Variants in ABHD3 observed in about 807,000 individuals in gnomAD.
ABHD3 encodes phospholipase ABHD3.
A neutral mutation model predicts 48.8 loss-of-function variants in ABHD3; 46 were observed. The ratio of observed to expected loss-of-function variants is 0.94; its 90% confidence interval spans 0.74 to 1.20. ABHD3 has a LOEUF of 1.20. Ranked by LOEUF, ABHD3 falls within the 50% of genes most tolerant of loss-of-function variation. ABHD3 has a pLI of 0.00. For missense variants in ABHD3, 490 were observed against 497.8 expected (o/e 0.98, Z 0.15); for synonymous variants, 192 against 183.7 (o/e 1.04, Z -0.36).
chr18:21,664,905 G>A (rs1469004287), intron 4 of ABHD3, among the ~76,000 whole-genome samples: 1 of 152,186 alleles, frequency 6.6e-6, no homozygotes, highest in Non-Finnish European at 1.5e-5. Flanking sequence ...AACGTGTTGG[G>A]ATTATAGGTG....
chr18:21,689,549 C>CAAAAAAAAAAAAAAA (rs36011228), intron 3 of ABHD3, among the ~76,000 whole-genome samples: 1 of 41,806 alleles, frequency 2.4e-5, no homozygotes, highest in African/African-American at 1.2e-4. Flanking sequence ...AATCTGGTCT[C>CAAAAAAAAAAAAAAA]AAAAAAAAAA....
At chr18:21,673,889 G>C (rs964597163) in intron 4 of ABHD3, among the ~76,000 whole-genome samples, 8 of 152,176 alleles carry the variant, frequency 5.3e-5, no homozygotes, top group Non-Finnish European at 1.0e-4. Context: ...ATAAGTGTGA[G>C]CCATCACACC....
chr18:21,665,983 G>A lies in ABHD3; in HGVS notation c.556-1753C>T, dbSNP rs974397308. Among the ~76,000 whole-genome samples the A allele has an allele frequency of 4.0e-5, 6 of 151,710 alleles. No individual in the cohort carries two copies. In the South Asian group the frequency reaches 6.2e-4, roughly 16 times the overall value. On this transcript the variant is annotated intron_variant, in intron 4 of 8. Transcript: ENST00000289119. ...CTTCACTCTAGATAAAGCAATCTAC[G>A]GTCTAATTTATTAACTGAATATTTT...
In ABHD3 at chr18:21,699,173, C is replaced by CA. The variant is rs368111856; in HGVS notation, c.509+3142dup. On this transcript the variant is annotated intron_variant, in intron 3 of 8. Transcript: ENST00000289119. ...AAGTGATCCACCCACCTCAGCCTCC[C>CA]AAAGTGTTGGGATTACAGGCATGGG... is the stretch of plus-strand genomic sequence containing the variant. 3.4e-3 allele frequency among the ~76,000 whole-genome samples: 516 copies of CA among 152,254 alleles called. 6 individuals carry two copies. Among genetic ancestry groups the CA allele is most frequent in the African/African-American group, 0.012 (500 of 41,544 alleles).
At chr18:21,665,309 C>T (rs1358538187) in intron 4 of ABHD3, among the ~76,000 whole-genome samples, 2 of 152,032 alleles carry the variant, frequency 1.3e-5, no homozygotes, top group Non-Finnish European at 2.9e-5. Context: ...GGTATGATCA[C>T]AGCTCACTGT....
In ABHD3 at chr18:21,657,197, C is replaced by T. The variant is rs1185564748; in HGVS notation, c.843-45G>A. 1.9e-6 allele frequency: 3 copies of T among 1,538,962 alleles called. No individual in the cohort carries two copies. In the Admixed American group the frequency reaches 6.0e-5, roughly 31 times the overall value. The stretch of plus-strand genomic sequence containing the variant: ...GAAGTAAAAATCAAGATCATTCCTA[C>T]TCCATCATACTAAAAGGACTTAAAA... On this transcript the variant is annotated intron_variant, in intron 6 of 8. Coordinates refer to ENST00000289119, the MANE Select transcript of ABHD3 (RefSeq NM_138340.5).
intron 4 of ABHD3, among the ~76,000 whole-genome samples, chr18:21,671,678 C>A (rs929981743): frequency 1.3e-5 from 2 of 152,132 alleles, no homozygotes; most frequent in Admixed American, 6.6e-5. Context: ...ATATCACTTC[C>A]AGCAGATATT....
In ABHD3 at chr18:21,656,143, G is replaced by A. The variant is rs563764263; in HGVS notation, c.1057+718C>T. Reference sequence around the variant, plus strand: ...TGCACTCCAGCCTGGGCGACAGAGCGAAAAAGAAAGCAGGAAAGTTTATTT... The same window carrying A: ...TGCACTCCAGCCTGGGCGACAGAGCAAAAAAGAAAGCAGGAAAGTTTATTT... On this transcript the variant is annotated intron_variant, in intron 8 of 8. Coordinates refer to ENST00000289119, the MANE Select transcript of ABHD3 (RefSeq NM_138340.5). Among the ~76,000 whole-genome samples the A allele has an allele frequency of 5.3e-5, 8 of 152,262 alleles. No homozygotes were observed. The East Asian group carries it at 5.8e-4, about 11-fold the overall frequency.
Position 21,704,744 on chromosome 18 carries a change from C to CGAGA in ABHD3, c.-80_-79insTCTC, listed in dbSNP as rs1201996533. The CGAGA allele has an allele frequency of 7.7e-4, 974 of 1,272,336 alleles. 4 individuals are homozygous for CGAGA. In the African/African-American group the frequency reaches 7.9e-3, roughly 10 times the overall value. 78.8% of individuals were successfully genotyped at this position (1,272,336 alleles called of 1,614,324 possible). A position where few individuals can be genotyped will look rare whatever the true frequency, so the allele number is the denominator to read the frequency against. On this transcript the variant is annotated 5_prime_UTR_variant, in exon 1 of 9. Transcript: ENST00000289119. Reference sequence around the variant, plus strand: ...GCGGGCGAGAGCGGGCGAGAGCGGACGCGGCGCCGCTGCCTACTCCCGACC... The same window carrying CGAGA: ...GCGGGCGAGAGCGGGCGAGAGCGGACGAGAGCGGCGCCGCTGCCTACTCCCGACC...
chr18:21,654,431 AAAG>A (rs1221339037), intron 8 of ABHD3, among the ~76,000 whole-genome samples: 3 of 152,138 alleles, frequency 2.0e-5, no homozygotes, highest in Non-Finnish European at 4.4e-5. Flanking sequence ...ATAACACTCT[AAAG>A]AATAAACCGA....
chr18:21,682,853 G>A (rs1470193707), intron 4 of ABHD3: 1 of 152,162 alleles, frequency 6.6e-6, no homozygotes, highest in Non-Finnish European at 1.5e-5. Context: ...AGTACTATCT[G>A]TCTACGAGAT....
chr18:21,652,822 A>G (rs1417994051), intron 8 of ABHD3, among the ~76,000 whole-genome samples: 2 of 151,712 alleles, frequency 1.3e-5, no homozygotes, highest in African/African-American at 4.8e-5. Context: ...TGGGAGGCTG[A>G]GGCAGGTGGA....
intron 3 of ABHD3, among the ~76,000 whole-genome samples, chr18:21,696,758 G>A (rs2040379611): frequency 6.6e-6 from 1 of 151,302 alleles, no homozygotes; most frequent in South Asian, 2.1e-4. Flanking sequence ...GTAGAAATGG[G>A]GGGTCTCACT....
At chr18:21,682,623 C>T (rs888404718) in intron 4 of ABHD3, 4 of 152,226 alleles carry the variant, frequency 2.6e-5, no homozygotes, top group African/African-American at 4.8e-5. Context: ...CCCGATTTAA[C>T]AGGCACATAC....
At position 21,702,383 on chromosome 18, in the gene ABHD3, G is replaced by T. The variant is rs2040532174; in HGVS notation, c.442C>A (p.Leu148Ile). The change falls in exon 3 of 9, where the codon CTC (leucine) becomes ATC (isoleucine). Residue 148 changes from leucine (L) to isoleucine (I), a missense_variant. By Grantham distance (5) the Leu-to-Ile change is conservative. Coordinates refer to ENST00000289119, the MANE Select transcript of ABHD3 (RefSeq NM_138340.5). ...TRPTILLLPG[L>I]TGTSKESYIL... ...TATGACTCCTTGCTTGTTCCCGTGA[G>T]GCCAGGCAACAATAAGATAGTAGGT... The T allele has an allele frequency of 1.2e-6, 2 of 1,613,784 alleles. No individual in the cohort carries two copies. Among genetic ancestry groups the T allele is most frequent in the South Asian group, 2.2e-5 (2 of 91,072 alleles).
At chr18:21,657,267 A>G in intron 6 of ABHD3, 115 bp from the exon 7 acceptor site, 1 of 855,490 alleles carries the variant, frequency 1.2e-6, no homozygotes, top group Non-Finnish European at 1.8e-6. Context: ...GTTGGCACTC[A>G]ATAAATATTT....
chr18:21,685,844 C>T (rs187139422), intron 3 of ABHD3, among the ~76,000 whole-genome samples: 6 of 152,164 alleles, frequency 3.9e-5, no homozygotes, highest in Non-Finnish European at 8.8e-5. Context: ...ATAACAGGCA[C>T]GTGCCACCAC....
chr18:21,690,022 G>A (rs572646070), intron 3 of ABHD3, among the ~76,000 whole-genome samples: 59 of 151,400 alleles, frequency 3.9e-4, no homozygotes, highest in Non-Finnish European at 6.2e-4. Context: ...AACTGGTCCC[G>A]AGATTGTCCA....
chr18:21,666,596 C>T (rs1185876258), intron 4 of ABHD3, among the ~76,000 whole-genome samples: 4 of 152,208 alleles, frequency 2.6e-5, no homozygotes, highest in African/African-American at 7.2e-5. Context: ...TCCCACAGTG[C>T]TGGGATTACA....
Sources: gnomAD v4.1 joint callset for allele counts (sites outside exome capture counted in the v4.1 genomes callset) on GRCh38, gnomAD v4.1.1 for gene constraint, MANE v1.5 for transcripts, NCBI Gene and HGNC (gene_info 2026-07-23, HGNC 2026-07-21) for gene names.